The following ZNF253 variants were observed in gnomAD, a reference collection of about 807,000 sequenced individuals.
ZNF253 encodes the protein zinc finger protein 253.
A neutral mutation model predicts 11.9 loss-of-function variants in ZNF253; 8 were observed. The observed-to-expected ratio is 0.67, with a 90% CI of 0.40 to 1.22. The LOEUF (loss-of-function observed/expected upper bound fraction) is 1.22. ZNF253 is among the 50% of genes most tolerant of loss of function. The pLI, the probability that ZNF253 is intolerant of heterozygous loss-of-function variation, is 0.01. For missense variants in ZNF253, 485 were observed against 586.9 expected, an observed-to-expected ratio of 0.83 and a Z score of 1.79; for synonymous variants, 194 against 194.9, an observed-to-expected ratio of 1.00 and a Z score of 0.04.
Position 19,892,340 on chromosome 19 carries a change from G to A in ZNF253, c.1093G>A (p.Glu365Lys), listed in dbSNP as rs746216973. The change falls in exon 4 of 4, where the codon GAG becomes AAG. Residue 365 changes from glutamate (E) to lysine (K), a missense_variant. By Grantham distance (56) the Glu-to-Lys change is moderately conservative. Transcript: ENST00000589717. Reference sequence around the variant, plus strand: ...TACACATAAGATACTTCATACTGGAGAGAAACCCTACAGATGTAGAGAATG... The same window carrying A: ...TACACATAAGATACTTCATACTGGAAAGAAACCCTACAGATGTAGAGAATG... ...LTTHKILHTG[E>K]KPYRCRECGK... 1 of 1,613,870 alleles carries A rather than the reference G, an allele frequency of 6.2e-7. No individual in the cohort carries two copies. Among genetic ancestry groups the A allele is most frequent in the South Asian group, 1.1e-5 (1 of 91,076 alleles).
intron 1 of ZNF253, 111 bp downstream of exon 1, chr19:19,866,110 G>C: frequency 6.9e-6 from 10 of 1,440,758 alleles, no homozygotes; most frequent in Non-Finnish European, 9.7e-6. Context: ...TCTGCCGCCG[G>C]AGTTCTCCCT....
chr19:19,884,375 T>C (rs957260243), intron 3 of ZNF253, among the ~76,000 whole-genome samples: 1 of 123,076 alleles, frequency 8.1e-6, no homozygotes, highest in Non-Finnish European at 1.6e-5. Flanking sequence ...TTATTTTTAT[T>C]TTTATTTTTT....
chr19:19,866,742 C>T (rs1330830434), intron 1 of ZNF253, among the ~76,000 whole-genome samples: 1 of 152,122 alleles, frequency 6.6e-6, no homozygotes, highest in Non-Finnish European at 1.5e-5. Context: ...AGTTGATCCG[C>T]CCGCCTCGGC....
chr19:19,890,402 G>A (rs79185550), intron 3 of ZNF253, among the ~76,000 whole-genome samples: 1,773 of 151,886 alleles, frequency 0.012, 17 homozygotes, highest in Non-Finnish European at 0.019. Context: ...GACATTAGCC[G>A]GTGTCTAAAA....
At chr19:19,887,980 G>A (rs912759938) in intron 3 of ZNF253, among the ~76,000 whole-genome samples, 4 of 151,626 alleles carry the variant, frequency 2.6e-5, no homozygotes, top group African/African-American at 4.8e-5. Flanking sequence ...CCTTTTTATT[G>A]AAAGTATGTT....
intron 3 of ZNF253, among the ~76,000 whole-genome samples, chr19:19,885,283 C>CT (rs753678153): frequency 6.4e-4 from 22 of 34,604 alleles, no homozygotes; most frequent in Non-Finnish European, 7.7e-4. Context: ...TTCTTTCTTT[C>CT]TTTCTTTCTC....
chr19:19,885,237 TTC>T lies in ZNF253; in HGVS notation c.226+5093_226+5094del, dbSNP rs1272312160. Among the ~76,000 whole-genome samples, 6 of 57,700 alleles carry T rather than the reference TTC, an allele frequency of 1.0e-4. 1 individual carries two copies. Among genetic ancestry groups the T allele is most frequent in the South Asian group, 1.1e-3 (2 of 1,774 alleles). The allele number at this position is 57,700 out of a possible 152,430, so 37.9% of individuals were successfully genotyped here. On this transcript the variant is annotated intron_variant, in intron 3 of 3. Transcript: ENST00000589717. ...TTGTATTCTTTCTTTCTTTCTTTCT[TTC>T]TTTCTTTCTTTCTTTCTTTCTTTCT... is the stretch of plus-strand genomic sequence containing the variant.
chr19:19,871,910 A>G (rs28888982), intron 1 of ZNF253, among the ~76,000 whole-genome samples: 66,089 of 152,076 alleles, frequency 0.43, 16,088 homozygotes, highest in East Asian at 0.71. Flanking sequence ...AAACACATAA[A>G]GTGCCATCCA....
In ZNF253 at chr19:19,891,735, A is replaced by T; in HGVS notation, c.488A>T (p.Lys163Met). Residue 163 changes from lysine to methionine, a missense_variant, in exon 4 of 4, where the codon AAG becomes ATG. By Grantham distance (95) the Lys-to-Met change is moderately conservative. Transcript: ENST00000589717. ...AAGTTTTCAAATTCAAACACATATAAGACAAGACATACTGGAATAAATCTT... is the reference window on the plus strand; with the variant it reads ...AAGTTTTCAAATTCAAACACATATATGACAAGACATACTGGAATAAATCTT... ...FHKFSNSNTY[K>M]TRHTGINLFK... 1.2e-6 allele frequency: 2 copies of T among 1,614,162 alleles called. No homozygotes were observed. Among genetic ancestry groups the T allele is most frequent in the South Asian group, 2.2e-5 (2 of 91,078 alleles).
chr19:19,866,472 G>T (rs1445770440), intron 1 of ZNF253, among the ~76,000 whole-genome samples: 1 of 151,394 alleles, frequency 6.6e-6, no homozygotes, highest in Non-Finnish European at 1.5e-5. Flanking sequence ...CGACCTGATC[G>T]CAAGAGCACA....
At chr19:19,887,660 A>G (rs1474911738) in intron 3 of ZNF253, among the ~76,000 whole-genome samples, 4 of 151,554 alleles carry the variant, frequency 2.6e-5, no homozygotes, top group African/African-American at 9.7e-5. Flanking sequence ...TTCTGCTCTC[A>G]TTTGGTTAAT....
At chr19:19,867,878 A>C (rs2063118009) in intron 1 of ZNF253, among the ~76,000 whole-genome samples, 1 of 152,044 alleles carries the variant, frequency 6.6e-6, no homozygotes, top group African/African-American at 2.4e-5. Context: ...TTGACTTTTT[A>C]AAAATAGCCA....
intron 3 of ZNF253, among the ~76,000 whole-genome samples, chr19:19,884,944 G>C (rs1042510173): frequency 6.6e-6 from 1 of 151,950 alleles, no homozygotes; most frequent in Non-Finnish European, 1.5e-5. Flanking sequence ...ATTTTTTTGA[G>C]AAAAATTTGT....
intron 3 of ZNF253, among the ~76,000 whole-genome samples, chr19:19,885,267 C>CTG (rs1568498695): frequency 3.5e-5 from 2 of 56,748 alleles, no homozygotes; most frequent in African/African-American, 2.6e-4. Context: ...TTCTTTCTTT[C>CTG]TTTCTTTCTT....
intron 1 of ZNF253, among the ~76,000 whole-genome samples, chr19:19,869,075 GATTT>G (rs1437456507): frequency 6.6e-6 from 1 of 151,990 alleles, no homozygotes; most frequent in Non-Finnish European, 1.5e-5. Context: ...ATTAGACACA[GATTT>G]GTTTAGATAA....
chr19:19,874,581 T>C (rs939686804), intron 1 of ZNF253, among the ~76,000 whole-genome samples: 40 of 151,518 alleles, frequency 2.6e-4, no homozygotes, highest in African/African-American at 9.7e-4. Flanking sequence ...TAGTGTATAG[T>C]ATAAAGTTGA....
At chr19:19,868,797 C>T (rs980244110) in intron 1 of ZNF253, among the ~76,000 whole-genome samples, 17 of 151,834 alleles carry the variant, frequency 1.1e-4, no homozygotes, top group Non-Finnish European at 1.5e-4. Flanking sequence ...CAAACCTGCA[C>T]GTTATGCACA....
chr19:19,883,097 T>G (rs2063184652), intron 3 of ZNF253, among the ~76,000 whole-genome samples: 1 of 152,248 alleles, frequency 6.6e-6, no homozygotes, highest in African/African-American at 2.4e-5. Flanking sequence ...TAGCTGATTT[T>G]CCATGGTAGT....
In ZNF253 at chr19:19,891,693, A is replaced by G; in HGVS notation, c.446A>G (p.Tyr149Cys). Residue 149 changes from tyrosine to cysteine, a missense_variant, in exon 4 of 4, where the codon TAT becomes TGT. Around this residue, in one of 3 missense-constraint regions of ZNF253, gnomAD observed 218 missense variants for 213.1 expected, o/e 1.02. Coordinates refer to ENST00000589717, the MANE Select transcript of ZNF253 (RefSeq NM_021047.3). ...AAAGAAATATTTCAATGTGATAAAT[A>G]TGGAAAAGTCTTTCATAAGTTTTCA... ...TQKEIFQCDK[Y>C]GKVFHKFSNS... is the part of the protein sequence containing the mutation. The G allele has an allele frequency of 6.2e-7, 1 of 1,614,128 alleles. No individual in the cohort carries two copies. Among genetic ancestry groups the G allele is most frequent in the Non-Finnish European group, 8.5e-7 (1 of 1,179,980 alleles).
Sources: gnomAD v4.1 joint callset for allele counts (sites outside exome capture counted in the v4.1 genomes callset) on GRCh38, gnomAD v4.1.1 for gene constraint, gnomAD v4.1.1 regional missense constraint, MANE v1.5 for transcripts, NCBI Gene and HGNC (gene_info 2026-07-23, HGNC 2026-07-21) for gene names.